Variants in ZBTB20 observed in about 807,000 individuals in gnomAD.
ZBTB20 encodes zinc finger and BTB domain-containing protein 20.
A neutral mutation model predicts 56.9 loss-of-function variants in ZBTB20; 9 were observed. That is an observed-to-expected ratio of 0.16 (90% confidence interval 0.10 to 0.28). ZBTB20 has a LOEUF of 0.28. Ranked by LOEUF, ZBTB20 falls within the 10% of genes least tolerant of loss-of-function variation. ZBTB20 has a pLI of 1.00. For missense variants in ZBTB20, 655 were observed against 1,003.0 expected (o/e 0.65, Z 4.69); for synonymous variants, 417 against 420.7 (o/e 0.99, Z 0.11).
At chr3:114,495,594 T>G (rs1344694694) in intron 7 of ZBTB20, among the ~76,000 whole-genome samples, 1 of 152,148 alleles carries the variant, frequency 6.6e-6, no homozygotes, top group Non-Finnish European at 1.5e-5. Flanking sequence ...CACCATCTGA[T>G]AGGTAGAAAG....
At chr3:114,421,883 C>G (rs2089211919) in intron 7 of ZBTB20, among the ~76,000 whole-genome samples, 1 of 150,804 alleles carries the variant, frequency 6.6e-6, no homozygotes, top group South Asian at 2.1e-4. Context: ...TGTCCCTCAT[C>G]TGGTTGACAC....
intron 6 of ZBTB20, chr3:114,519,166 G>A (rs775060857): frequency 6.6e-6 from 1 of 152,112 alleles, no homozygotes; most frequent in Non-Finnish European, 1.5e-5. Context: ...TTTGCCTTTT[G>A]TCCTCCCTGG....
At chr3:114,423,598 C>T (rs945736786) in intron 7 of ZBTB20, among the ~76,000 whole-genome samples, 2 of 152,084 alleles carry the variant, frequency 1.3e-5, no homozygotes, top group Non-Finnish European at 2.9e-5. Context: ...TGTTCCTTAC[C>T]TATAACTCAG....
chr3:114,461,210 C>G (rs971105900), intron 7 of ZBTB20, among the ~76,000 whole-genome samples: 19 of 151,996 alleles, frequency 1.3e-4, no homozygotes, highest in Non-Finnish European at 2.8e-4. Flanking sequence ...GACCCCCACC[C>G]CACATTTTTT....
chr3:114,555,615 C>T (rs550237433), intron 6 of ZBTB20, among the ~76,000 whole-genome samples: 1 of 152,106 alleles, frequency 6.6e-6, no homozygotes. Context: ...AACATCCAAA[C>T]ACTCCTCTTC....
rs541367147 is a variant in ZBTB20, at chr3:115,076,659, A to G, written c.-702-5245T>C. On this transcript the variant is annotated intron_variant, in intron 1 of 11. Transcript: ENST00000675478. ...GTAATAATTTCATGGCTGTAACATC[A>G]AAAGTACAGGCAACAAAAATAAAAA... is the stretch of plus-strand genomic sequence containing the variant. 3.3e-5 allele frequency among the ~76,000 whole-genome samples: 5 copies of G among 152,358 alleles called. No individual in the cohort carries two copies. The East Asian group carries it at 7.7e-4, about 23-fold the overall frequency.
chr3:114,873,589 G>A (rs750471079), intron 4 of ZBTB20, among the ~76,000 whole-genome samples: 32 of 152,054 alleles, frequency 2.1e-4, no homozygotes, highest in Non-Finnish European at 4.0e-4. Flanking sequence ...AATCATTAAG[G>A]AATTAAGGAA....
In ZBTB20 at chr3:114,326,461, A is replaced by G. The variant is rs1484433088; in HGVS notation, c.*12544T>C. The G allele has an allele frequency of 2.6e-5, 4 of 151,862 alleles. No homozygotes were observed. Among genetic ancestry groups the G allele is most frequent in the Admixed American group, 6.6e-5 (1 of 15,262 alleles). The allele number at this position is 151,862 out of a possible 1,614,324, so 9.4% of individuals were successfully genotyped here. ...TAAAAGCTCATGAGTGCTATTTGAA[A>G]TGGAAGATAAGATTTTTTGGAGGAA... On this transcript the variant is annotated 3_prime_UTR_variant, in exon 12 of 12. Transcript: ENST00000675478.
At chr3:115,105,898 A>G (rs2083707026) in intron 1 of ZBTB20, among the ~76,000 whole-genome samples, 2 of 152,036 alleles carry the variant, frequency 1.3e-5, no homozygotes, top group South Asian at 4.1e-4. Context: ...GCTCACTGCA[A>G]TCTTCGCCTC....
rs2079390101 is a variant in ZBTB20 at position 114,334,726 on chromosome 3, T to C, written c.*4279A>G. 1 of 152,194 alleles carries C rather than the reference T, an allele frequency of 6.6e-6. No individual in the cohort carries two copies. Among genetic ancestry groups the C allele is most frequent in the Admixed American group, 6.5e-5 (1 of 15,282 alleles). The allele number at this position is 152,194 out of a possible 1,614,324, so 9.4% of individuals were successfully genotyped here. A position where few individuals can be genotyped will look rare whatever the true frequency, so the allele number is the denominator to read the frequency against. Reference sequence around the variant, plus strand: ...CTAGGAATGAACTGAGGCTAGAATATGAGCAGGAAATTATCCAGCACACTT... The same window carrying C: ...CTAGGAATGAACTGAGGCTAGAATACGAGCAGGAAATTATCCAGCACACTT... On this transcript the variant is annotated 3_prime_UTR_variant, in exon 12 of 12. Coordinates refer to ENST00000675478, the MANE Select transcript of ZBTB20 (RefSeq NM_001348800.3).
intron 3 of ZBTB20, among the ~76,000 whole-genome samples, chr3:114,972,031 G>A (rs929722800): frequency 6.6e-6 from 1 of 152,168 alleles, no homozygotes; most frequent in Admixed American, 6.5e-5. Context: ...TTTCCCTTGG[G>A]ATTGGCATAC....
chr3:114,671,614 CT>C (rs1320899474), intron 6 of ZBTB20, among the ~76,000 whole-genome samples: 1 of 151,168 alleles, frequency 6.6e-6, no homozygotes, highest in African/African-American at 2.4e-5. Flanking sequence ...TTTTACCTCA[CT>C]GTTAAAAGGT....
rs2075326935 is a variant in ZBTB20, at chr3:114,906,593, T to G, written c.-455-6251A>C. Among the ~76,000 whole-genome samples, 2 of 151,086 alleles carry G rather than the reference T, an allele frequency of 1.3e-5. 1 individual carries two copies. The highest frequency in any genetic ancestry group is 1.3e-4 in the Admixed American group (2 of 15,166). Reference sequence around the variant, plus strand: ...AAAATTTTTATATTATATAAAATTTTATGTTTTTATGATGACTTAATGAGA... The same window carrying G: ...AAAATTTTTATATTATATAAAATTTGATGTTTTTATGATGACTTAATGAGA... On this transcript the variant is annotated intron_variant, in intron 3 of 11. Transcript: ENST00000675478.
intron 6 of ZBTB20, among the ~76,000 whole-genome samples, chr3:114,689,725 G>A (rs1466443589): frequency 6.6e-6 from 1 of 152,154 alleles, no homozygotes; most frequent in East Asian, 1.9e-4. Flanking sequence ...AGAAAGAACT[G>A]TGGGTAAACT....
In ZBTB20 at chr3:115,023,580, T is replaced by C. The variant is rs570422330; in HGVS notation, c.-507+47639A>G. Among the ~76,000 whole-genome samples the C allele has an allele frequency of 1.8e-4, 27 of 151,094 alleles. No individual in the cohort carries two copies. In the South Asian group the frequency reaches 5.4e-3, roughly 30 times the overall value. On this transcript the variant is annotated intron_variant, in intron 2 of 11. Transcript: ENST00000675478. ...AATTGAAATATGCTATACTTCTCTT[T>C]GACAAATCCAAACTTGAATAAACTC...
At chr3:114,946,448 C>A in intron 3 of ZBTB20, among the ~76,000 whole-genome samples, 1 of 144,666 alleles carries the variant, frequency 6.9e-6, no homozygotes, top group Non-Finnish European at 1.5e-5. Context: ...TAAAGAAAGA[C>A]AAATATAAGC....
intron 2 of ZBTB20, among the ~76,000 whole-genome samples, chr3:114,987,531 G>A (rs761839059): frequency 1.3e-5 from 2 of 152,160 alleles, no homozygotes; most frequent in Non-Finnish European, 2.9e-5. Flanking sequence ...AGGATGAAGT[G>A]CTCACATTTC....
chr3:114,413,452 A>G (rs1039684410), intron 7 of ZBTB20, among the ~76,000 whole-genome samples: 3 of 152,180 alleles, frequency 2.0e-5, no homozygotes. Flanking sequence ...TGGGTTATTC[A>G]GAGAAACTAG....
intron 3 of ZBTB20, among the ~76,000 whole-genome samples, chr3:114,921,851 C>A (rs1160171001): frequency 6.6e-6 from 1 of 151,952 alleles, no homozygotes; most frequent in African/African-American, 2.4e-5. Context: ...TACCCTAGAA[C>A]TTAAAGTATA....
Sources: allele counts gnomAD v4.1 joint callset (sites outside exome capture counted in the v4.1 genomes callset), GRCh38; gene constraint gnomAD v4.1.1; transcripts MANE v1.5; gene names NCBI Gene and HGNC (gene_info 2026-07-23, HGNC 2026-07-21).